The following RASGRP3 variants were observed in gnomAD, a reference collection of about 807,000 sequenced individuals.
The protein encoded by RASGRP3 is ras guanyl-releasing protein 3.
In RASGRP3, 54 loss-of-function variants were observed where a neutral mutation model predicts 82.7. The observed-to-expected ratio is 0.65, with a 90% CI of 0.52 to 0.82. RASGRP3 has a LOEUF of 0.82. Ranked by LOEUF, RASGRP3 falls within the 40% of genes least tolerant of loss-of-function variation. The pLI is 0.00. For missense variants in RASGRP3, 861 were observed against 828.9 expected, an observed-to-expected ratio of 1.04 and a Z score of -0.48; for synonymous variants, 309 against 300.5, an observed-to-expected ratio of 1.03 and a Z score of -0.29.
At chr2:33,529,110 G>A (rs2151041142) in intron 10 of RASGRP3, among the ~76,000 whole-genome samples, 1 of 152,168 alleles carries the variant, frequency 6.6e-6, no homozygotes, top group South Asian at 2.1e-4. Flanking sequence ...GATAATAATG[G>A]GGTAGGGAAA....
intron 1 of RASGRP3, among the ~76,000 whole-genome samples, chr2:33,479,235 A>G (rs1256785734): frequency 1.3e-5 from 2 of 152,150 alleles, no homozygotes; most frequent in East Asian, 1.9e-4. Flanking sequence ...AGCTCTCTCT[A>G]TAGGATCGCT....
chr2:33,551,931 T>C (rs1487098206), intron 14 of RASGRP3, among the ~76,000 whole-genome samples: 1 of 152,020 alleles, frequency 6.6e-6, no homozygotes, highest in Non-Finnish European at 1.5e-5. Context: ...AGGCGGAGCT[T>C]GCAGCGAGCC....
chr2:33,520,300 C>G (rs995655969), intron 5 of RASGRP3, among the ~76,000 whole-genome samples: 1 of 152,136 alleles, frequency 6.6e-6, no homozygotes, highest in Non-Finnish European at 1.5e-5. Context: ...CATCTACTCA[C>G]CATGAATTGA....
At chr2:33,562,632 T>G in intron 17 of RASGRP3, 97 bp from the exon 18 acceptor site, 2 of 1,337,418 alleles carry the variant, frequency 1.5e-6, no homozygotes, top group Admixed American at 1.9e-5. Flanking sequence ...TCATTTCAGA[T>G]GTTCCCTCAA....
At chr2:33,493,489 A>G (rs1669036448) in intron 1 of RASGRP3, among the ~76,000 whole-genome samples, 1 of 152,214 alleles carries the variant, frequency 6.6e-6, no homozygotes, top group East Asian at 1.9e-4. Context: ...AGTGGCTAAA[A>G]GAAACCAGCA....
chr2:33,542,800 C>A (rs1452958519), intron 12 of RASGRP3, among the ~76,000 whole-genome samples: 1 of 118,792 alleles, frequency 8.4e-6, no homozygotes, highest in African/African-American at 2.6e-5. Context: ...TCTCGTGCCT[C>A]AGCCCCCTGA....
intron 8 of RASGRP3, 139 bp from the exon 9 acceptor site, chr2:33,524,293 T>C (rs933761519): frequency 8.3e-6 from 6 of 722,954 alleles, no homozygotes; most frequent in Non-Finnish European, 1.1e-5. Flanking sequence ...TCTCTGATTC[T>C]ATTTGTGCTT....
chr2:33,536,615 T>C (rs1367458396), intron 11 of RASGRP3, among the ~76,000 whole-genome samples: 1 of 152,210 alleles, frequency 6.6e-6, no homozygotes, highest in African/African-American at 2.4e-5. Flanking sequence ...AAAGTCTTTT[T>C]ATTTGTTGTA....
chr2:33,440,873 A>G (rs534471940), intron 1 of RASGRP3, among the ~76,000 whole-genome samples: 6 of 152,184 alleles, frequency 3.9e-5, no homozygotes, highest in South Asian at 4.2e-4. Context: ...GAGGTTGGAC[A>G]TTAGATCTCC....
chr2:33,526,206 C>T (rs1397617763), intron 9 of RASGRP3, among the ~76,000 whole-genome samples: 1 of 152,152 alleles, frequency 6.6e-6, no homozygotes, highest in Non-Finnish European at 1.5e-5. Flanking sequence ...TAGAAGGATG[C>T]AATTACTCTG....
intron 1 of RASGRP3, among the ~76,000 whole-genome samples, chr2:33,441,864 T>C (rs936988129): frequency 6.6e-6 from 1 of 152,234 alleles, no homozygotes; most frequent in African/African-American, 2.4e-5. Context: ...AATGCGTGTG[T>C]AAAAGACTAT....
chr2:33,494,317 G>T (rs988174459), intron 1 of RASGRP3, among the ~76,000 whole-genome samples: 1 of 152,166 alleles, frequency 6.6e-6, no homozygotes, highest in African/African-American at 2.4e-5. Flanking sequence ...TAGAGACCAA[G>T]GCTCGCAGCT....
At chr2:33,461,214 G>C (rs531103262) in intron 2 of RASGRP3, among the ~76,000 whole-genome samples, 34 of 152,296 alleles carry the variant, frequency 2.2e-4, no homozygotes, top group African/African-American at 7.9e-4. Flanking sequence ...ACAAAGATGA[G>C]CTTTGAGAAG....
chr2:33,437,464 A>G (rs1664987038), intron 1 of RASGRP3, among the ~76,000 whole-genome samples: 1 of 152,268 alleles, frequency 6.6e-6, no homozygotes, highest in Non-Finnish European at 1.5e-5. Context: ...GAGTAACTTG[A>G]TTAATGTTAC....
chr2:33,466,643 C>T (rs901667253), intron 2 of RASGRP3, among the ~76,000 whole-genome samples: 6 of 149,538 alleles, frequency 4.0e-5, no homozygotes, highest in Non-Finnish European at 7.4e-5. Flanking sequence ...TGTGCCATTG[C>T]GCTGCCGTGT....
intron 1 of RASGRP3, among the ~76,000 whole-genome samples, chr2:33,478,352 T>G (rs1667564764): frequency 6.6e-6 from 1 of 152,164 alleles, no homozygotes; most frequent in Non-Finnish European, 1.5e-5. Context: ...CGCGGCCATG[T>G]GGTCTGTGAC....
intron 3 of RASGRP3, 76 bp downstream of exon 3, chr2:33,515,282 T>A: frequency 6.7e-7 from 1 of 1,499,336 alleles, no homozygotes; most frequent in East Asian, 2.3e-5. Flanking sequence ...GGCAAGTTGC[T>A]TGTAGAACAG....
At chr2:33,478,687 G>C (rs1667601530) in intron 1 of RASGRP3, among the ~76,000 whole-genome samples, 5 of 152,138 alleles carry the variant, frequency 3.3e-5, no homozygotes, top group Admixed American at 2.0e-4. Context: ...TTTTGACCTG[G>C]ATAGGAATGA....
chr2:33,529,486 T>TAAAAAAAAAAAAAAAAAAAAAA (rs1558491469), intron 10 of RASGRP3, among the ~76,000 whole-genome samples: 80 of 6,078 alleles, frequency 0.013, 3 homozygotes, highest in African/African-American at 0.092. Flanking sequence ...AGACTCCATC[T>TAAAAAAAAAAAAAAAAAAAAAA]CAAAAAAAAA....
Sources: allele counts gnomAD v4.1 joint callset (sites outside exome capture counted in the v4.1 genomes callset), GRCh38; gene constraint gnomAD v4.1.1; transcripts MANE v1.5; gene names NCBI Gene and HGNC (gene_info 2026-07-23, HGNC 2026-07-21).